JAZF1: variants seen among roughly 807,000 people sequenced by gnomAD.
JAZF1 encodes the protein JAZF zinc finger 1.
A neutral mutation model predicts 26.4 loss-of-function variants in JAZF1; 8 were observed. That is an observed-to-expected ratio of 0.30 (90% CI 0.18 to 0.55). JAZF1 has a LOEUF of 0.55. Among genes scored for constraint, JAZF1 ranks in the 20% least tolerant of loss-of-function variants. JAZF1 has a pLI of 0.94. For missense variants in JAZF1, 199 were observed against 322.0 expected (o/e 0.62, Z 2.92); for synonymous variants, 126 against 122.3 (o/e 1.03, Z -0.20).
intron 2 of JAZF1, among the ~76,000 whole-genome samples, chr7:27,974,223 G>T (rs1457528768): frequency 1.3e-5 from 2 of 152,134 alleles, no homozygotes. Flanking sequence ...GCTGAAGGAA[G>T]CATGGGACTA....
At chr7:27,998,621 A>G (rs866655633) in intron 1 of JAZF1, among the ~76,000 whole-genome samples, 4 of 152,238 alleles carry the variant, frequency 2.6e-5, no homozygotes, top group Admixed American at 1.3e-4. Flanking sequence ...TTGGTTTCCC[A>G]AATTCAATGT....
chr7:28,109,844 T>A (rs1306282785), intron 1 of JAZF1, among the ~76,000 whole-genome samples: 1 of 151,950 alleles, frequency 6.6e-6, no homozygotes, highest in Non-Finnish European at 1.5e-5. Flanking sequence ...GGCCAACAAC[T>A]GAAGAGAGAA....
At chr7:27,922,690 TAGTC>T (rs1784552043) in intron 2 of JAZF1, among the ~76,000 whole-genome samples, 1 of 151,758 alleles carries the variant, frequency 6.6e-6, no homozygotes, top group Admixed American at 6.6e-5. Flanking sequence ...TTTTGCATAA[TAGTC>T]AAGAGAGTAT....
At chr7:28,091,324 G>C (rs1490940141) in intron 1 of JAZF1, among the ~76,000 whole-genome samples, 1 of 151,780 alleles carries the variant, frequency 6.6e-6, no homozygotes, top group Non-Finnish European at 1.5e-5. Context: ...CCTCCTAACA[G>C]TCATGTTATT....
intron 2 of JAZF1, among the ~76,000 whole-genome samples, chr7:27,978,418 C>T (rs541110100): frequency 8.5e-5 from 13 of 152,258 alleles, no homozygotes; most frequent in African/African-American, 3.1e-4. Flanking sequence ...GTTGGGAACA[C>T]CACTAAAAGA....
intron 1 of JAZF1, among the ~76,000 whole-genome samples, chr7:28,110,597 G>C (rs1188232403): frequency 3.7e-4 from 39 of 104,114 alleles, no homozygotes; most frequent in Admixed American, 5.6e-4. Flanking sequence ...AAAGGAAAAG[G>C]AAAAGGAAAA....
At chr7:27,930,403 G>A (rs186666574) in intron 2 of JAZF1, among the ~76,000 whole-genome samples, 1 of 152,264 alleles carries the variant, frequency 6.6e-6, no homozygotes, top group East Asian at 1.9e-4. Context: ...TGGCTACGAA[G>A]AACAAGATGA....
intron 4 of JAZF1, among the ~76,000 whole-genome samples, chr7:27,837,272 A>G (rs951268449): frequency 3.9e-5 from 6 of 152,256 alleles, no homozygotes; most frequent in African/African-American, 1.4e-4. Context: ...TATCTGCATT[A>G]TAAGGAAGGG....
chr7:28,168,126 T>C (rs1193555019), intron 1 of JAZF1, among the ~76,000 whole-genome samples: 2 of 152,168 alleles, frequency 1.3e-5, no homozygotes, highest in Non-Finnish European at 2.9e-5. Context: ...CTCATGCCTG[T>C]AATCCCAGCA....
At chr7:28,066,090 T>C (rs185737905) in intron 1 of JAZF1, among the ~76,000 whole-genome samples, 34 of 152,310 alleles carry the variant, frequency 2.2e-4, no homozygotes, top group Non-Finnish European at 3.8e-4. Flanking sequence ...TTAGGAATGC[T>C]AAGGAAATCA....
At position 27,900,093 on chromosome 7, in the gene JAZF1, C is replaced by T. The variant is rs566612888; in HGVS notation, c.189-4677G>A. 2.0e-5 allele frequency among the ~76,000 whole-genome samples: 3 copies of T among 152,226 alleles called. No individual in the cohort carries two copies. The East Asian group carries it at 5.8e-4, about 29-fold the overall frequency. ...AGGGGAGGTCTCTGGAATTGTAGCC[C>T]CACTGGGCTACGATCTGGGAAAGGC... On this transcript the variant is annotated intron_variant, in intron 2 of 4. Transcript: ENST00000283928.
At chr7:28,000,131 TAGTTGCAGTATTAG>T (rs1786109689) in intron 1 of JAZF1, among the ~76,000 whole-genome samples, 2 of 152,046 alleles carry the variant, frequency 1.3e-5, no homozygotes, top group African/African-American at 4.8e-5. Flanking sequence ...TGAAGAGTAT[TAGTTGCAGTATTAG>T]TATTAGTTGT....
intron 1 of JAZF1, among the ~76,000 whole-genome samples, chr7:27,995,853 A>G (rs1456493535): frequency 1.3e-5 from 2 of 152,220 alleles, no homozygotes; most frequent in Admixed American, 6.5e-5. Context: ...TCACAGCACT[A>G]GCTCCCATTG....
At chr7:28,093,506 A>ATGT (rs1784335223) in intron 1 of JAZF1, among the ~76,000 whole-genome samples, 1 of 152,216 alleles carries the variant, frequency 6.6e-6, no homozygotes, top group South Asian at 2.1e-4. Flanking sequence ...GACTACTACA[A>ATGT]TGTTGCAGAC....
intron 1 of JAZF1, among the ~76,000 whole-genome samples, chr7:28,127,336 T>C (rs1390434631): frequency 1.3e-5 from 2 of 152,196 alleles, no homozygotes; most frequent in Admixed American, 6.5e-5. Flanking sequence ...AGGGTGGGGA[T>C]ACAGATGCCA....
intron 1 of JAZF1, among the ~76,000 whole-genome samples, chr7:28,126,743 T>G (rs1056585335): frequency 4.6e-5 from 7 of 151,514 alleles, no homozygotes; most frequent in African/African-American, 1.7e-4. Context: ...CAGGGTACAG[T>G]GCAGGAGCAA....
rs537693153 is a variant in JAZF1 at position 28,098,445 on chromosome 7, T to C, written c.115+82018A>G. Among the ~76,000 whole-genome samples, 5 of 152,272 alleles carry C rather than the reference T, an allele frequency of 3.3e-5. No homozygotes were observed. In the East Asian group the frequency reaches 7.7e-4, roughly 24 times the overall value. On this transcript the variant is annotated intron_variant, in intron 1 of 4. Coordinates refer to ENST00000283928, the MANE Select transcript of JAZF1 (RefSeq NM_175061.4). ...ACCAAGTACGTCTTCTTCATCTTTA[T>C]GCCTTTAGCACTTAGCCAAGTGCCT...
At chr7:28,094,057 A>T (rs145865860) in intron 1 of JAZF1, among the ~76,000 whole-genome samples, 2 of 152,288 alleles carry the variant, frequency 1.3e-5, no homozygotes, top group East Asian at 3.9e-4. Context: ...ACATAAATAA[A>T]ATTATTTCAG....
chr7:27,929,380 T>G (rs967106833), intron 2 of JAZF1, among the ~76,000 whole-genome samples: 1 of 152,166 alleles, frequency 6.6e-6, no homozygotes, highest in African/African-American at 2.4e-5. Flanking sequence ...AGGGAGTGTG[T>G]CCAGCAGACC....
Sources: allele counts gnomAD v4.1 joint callset (sites outside exome capture counted in the v4.1 genomes callset), GRCh38; gene constraint gnomAD v4.1.1; transcripts MANE v1.5; gene names NCBI Gene and HGNC (gene_info 2026-07-23, HGNC 2026-07-21).